NELL1: variants seen among roughly 807,000 people sequenced by gnomAD.
NELL1 encodes the protein protein kinase C-binding protein NELL1.
A neutral mutation model predicts 107.4 loss-of-function variants in NELL1; 76 were observed. The observed-to-expected ratio is 0.71, with a 90% CI of 0.59 to 0.86. The LOEUF is 0.86. NELL1 is among the 40% of genes least tolerant of loss of function. The pLI, the probability that NELL1 is intolerant of heterozygous loss-of-function variation, is 0.00. For missense variants in NELL1, 1,024 were observed against 1,005.5 expected, an observed-to-expected ratio of 1.02 and a Z score of -0.25; for synonymous variants, 353 against 341.2, an observed-to-expected ratio of 1.03 and a Z score of -0.38.
intron 15 of NELL1, among the ~76,000 whole-genome samples, chr11:21,404,006 C>CCG (rs554434779): frequency 0.049 from 503 of 10,252 alleles, 9 homozygotes; most frequent in Non-Finnish European, 0.11. Context: ...CATTCCTGAA[C>CCG]CCCCCCCCCC....
At chr11:21,312,599 A>C (rs931999825) in intron 14 of NELL1, among the ~76,000 whole-genome samples, 1 of 152,108 alleles carries the variant, frequency 6.6e-6, no homozygotes, top group African/African-American at 2.4e-5. Flanking sequence ...TTCTCAGACT[A>C]GCACACAGAA....
At chr11:21,262,836 C>T (rs1383110274) in intron 14 of NELL1, among the ~76,000 whole-genome samples, 1 of 151,814 alleles carries the variant, frequency 6.6e-6, no homozygotes, top group African/African-American at 2.4e-5. Context: ...GGTGACTTCT[C>T]CTGTACTCTT....
rs185873710 is a variant in NELL1, at chr11:21,170,940, A to G, written c.1426+57226A>G. The stretch of plus-strand genomic sequence containing the variant: ...ATCATTATAAAATAGGTATCTTCAT[A>G]TAAATTATTGATTCTGTGATAAACA... On this transcript the variant is annotated intron_variant, in intron 13 of 19. Transcript: ENST00000357134. Among the ~76,000 whole-genome samples, 373 of 151,842 alleles carry G rather than the reference A, an allele frequency of 2.5e-3. 6 individuals are homozygous for G. The highest frequency in any genetic ancestry group is 8.5e-3 in the African/African-American group (348 of 41,174).
intron 15 of NELL1, among the ~76,000 whole-genome samples, chr11:21,491,354 C>A (rs1285347564): frequency 6.6e-6 from 1 of 152,010 alleles, no homozygotes; most frequent in Non-Finnish European, 1.5e-5. Context: ...GTCTTTAATC[C>A]ATCTTGAATT....
Position 21,064,846 on chromosome 11 carries a change from C to T in NELL1, c.1301-48743C>T, listed in dbSNP as rs1853830305. Among the ~76,000 whole-genome samples the T allele has an allele frequency of 3.9e-5, 6 of 152,144 alleles. No individual in the cohort carries two copies. In the South Asian group the frequency reaches 1.2e-3, roughly 32 times the overall value. On this transcript the variant is annotated intron_variant, in intron 12 of 19. Coordinates refer to ENST00000357134, the MANE Select transcript of NELL1 (RefSeq NM_006157.5). ...ATTGTAAAGCAGTTTAATAATTTTGCTTGTGAAATTATTTGACCTGGATTA... is the reference window on the plus strand; with the variant it reads ...ATTGTAAAGCAGTTTAATAATTTTGTTTGTGAAATTATTTGACCTGGATTA...
At position 20,693,398 on chromosome 11, in the gene NELL1, T is replaced by G. The variant is rs571347160; in HGVS notation, c.184+15338T>G. Among the ~76,000 whole-genome samples, 72 of 152,310 alleles carry G rather than the reference T, an allele frequency of 4.7e-4. No homozygotes were observed. The South Asian group carries it at 0.015, about 31-fold the overall frequency. ...TCCTAGTCTCGATGGTCTTTACATT[T>G]TGGCATGATTTTGCAGCAGCTGGTA... is the stretch of plus-strand genomic sequence containing the variant. On this transcript the variant is annotated intron_variant, in intron 2 of 19. Coordinates refer to ENST00000357134, the MANE Select transcript of NELL1 (RefSeq NM_006157.5).
chr11:20,847,885 A>G (rs1848728574), intron 4 of NELL1, 132 bp downstream of exon 4: 2 of 884,758 alleles, frequency 2.3e-6, no homozygotes, highest in Non-Finnish European at 1.7e-6. Context: ...AATTTAACCT[A>G]CCAAATGGGA....
intron 12 of NELL1, among the ~76,000 whole-genome samples, chr11:21,065,337 A>C (rs986715907): frequency 6.6e-6 from 1 of 152,162 alleles, no homozygotes; most frequent in Non-Finnish European, 1.5e-5. Flanking sequence ...TTCATTTTTC[A>C]GAAGTTACCT....
chr11:21,365,322 T>G (rs1326191306), intron 14 of NELL1, among the ~76,000 whole-genome samples: 2 of 152,184 alleles, frequency 1.3e-5, no homozygotes, highest in Non-Finnish European at 2.9e-5. Context: ...CTTAGTGATG[T>G]GGTTAAGACT....
intron 15 of NELL1, among the ~76,000 whole-genome samples, chr11:21,527,005 G>A (rs980255733): frequency 6.6e-6 from 1 of 152,122 alleles, no homozygotes; most frequent in African/African-American, 2.4e-5. Context: ...CCAGAAAATG[G>A]GGTCTTCTCT....
intron 13 of NELL1, among the ~76,000 whole-genome samples, chr11:21,150,630 A>T (rs935761383): frequency 3.3e-5 from 5 of 152,122 alleles, no homozygotes. Context: ...AGCAGATGGC[A>T]TTGTTCTCAA....
At chr11:21,512,579 G>A (rs1022244046) in intron 15 of NELL1, among the ~76,000 whole-genome samples, 4 of 152,086 alleles carry the variant, frequency 2.6e-5, no homozygotes, top group East Asian at 3.9e-4. Context: ...TCAACTTTGT[G>A]CCCCTAGTAA....
chr11:20,876,536 C>T (rs180852662), intron 4 of NELL1, among the ~76,000 whole-genome samples: 68 of 152,174 alleles, frequency 4.5e-4, no homozygotes, highest in Non-Finnish European at 7.8e-4. Flanking sequence ...GAGGCCGAGG[C>T]GGTGGATCTC....
intron 15 of NELL1, among the ~76,000 whole-genome samples, chr11:21,511,951 C>G (rs1855446435): frequency 1.3e-5 from 2 of 152,152 alleles, no homozygotes; most frequent in South Asian, 4.1e-4. Context: ...GACATCATAA[C>G]AAAGAGGACA....
chr11:21,006,298 G>A (rs370228785), intron 12 of NELL1, among the ~76,000 whole-genome samples: 7 of 152,072 alleles, frequency 4.6e-5, no homozygotes, highest in African/African-American at 1.4e-4. Context: ...AGAGGGACCC[G>A]ATCTGATATG....
intron 12 of NELL1, among the ~76,000 whole-genome samples, chr11:20,987,249 G>A (rs1375115119): frequency 6.6e-6 from 1 of 152,106 alleles, no homozygotes; most frequent in Non-Finnish European, 1.5e-5. Flanking sequence ...AACCTTGGAT[G>A]TACTTATTCT....
At chr11:20,773,297 A>G (rs1856676560) in intron 2 of NELL1, among the ~76,000 whole-genome samples, 1 of 152,180 alleles carries the variant, frequency 6.6e-6, no homozygotes. Flanking sequence ...CTGTATACCA[A>G]ATAAGCTAAC....
chr11:20,794,676 A>C (rs917072318), intron 3 of NELL1, among the ~76,000 whole-genome samples: 4 of 152,022 alleles, frequency 2.6e-5, no homozygotes, highest in African/African-American at 7.2e-5. Flanking sequence ...CATAATGATG[A>C]TGATGCTGAT....
At chr11:20,976,058 A>G (rs144140707) in intron 12 of NELL1, among the ~76,000 whole-genome samples, 20,181 of 138,050 alleles carry the variant, frequency 0.15, 2,218 homozygotes, top group East Asian at 0.22. Context: ...ATATATACAT[A>G]TATCTGTACA....
Sources: allele counts gnomAD v4.1 joint callset (sites outside exome capture counted in the v4.1 genomes callset), GRCh38; gene constraint gnomAD v4.1.1; transcripts MANE v1.5; gene names NCBI Gene and HGNC (gene_info 2026-07-23, HGNC 2026-07-21).